Variants in LINGO2 observed in about 807,000 individuals in gnomAD.
LINGO2 encodes the protein leucine-rich repeat and immunoglobulin-like domain-containing nogo receptor-interacting protein 2.
A neutral mutation model predicts 30.6 loss-of-function variants in LINGO2; 14 were observed. That is an observed-to-expected ratio of 0.46 (90% confidence interval 0.30 to 0.72). The LOEUF (loss-of-function observed/expected upper bound fraction) is 0.72. LINGO2 is among the 30% of genes least tolerant of loss of function. LINGO2 has a pLI of 0.07. For missense variants in LINGO2, 729 were observed against 751.7 expected (o/e 0.97, Z 0.35); for synonymous variants, 317 against 288.5 (o/e 1.10, Z -1.00).
the LINGO2 span, among the ~76,000 whole-genome samples, chr9:29,193,244 C>T: frequency 1.3e-5 from 2 of 152,124 alleles, no homozygotes; most frequent in Non-Finnish European, 2.9e-5. Flanking sequence ...CCTGAAACTG[C>T]CTATGAAATA....
the LINGO2 span, among the ~76,000 whole-genome samples, chr9:28,922,377 T>G: frequency 9.7e-6 from 1 of 102,686 alleles, no homozygotes; most frequent in Non-Finnish European, 2.2e-5. Context: ...AAGAGTCAGA[T>G]TTTTTTTTTT....
At chr9:28,064,321 T>A (rs561082468) in intron 4 of LINGO2, among the ~76,000 whole-genome samples, 17 of 152,176 alleles carry the variant, frequency 1.1e-4, no homozygotes, top group Non-Finnish European at 2.4e-4. Flanking sequence ...GCAGGAATCA[T>A]CTTCTGCAGT....
chr9:28,801,165 G>T, the LINGO2 span, among the ~76,000 whole-genome samples: 1 of 152,148 alleles, frequency 6.6e-6, no homozygotes, highest in South Asian at 2.1e-4. Context: ...TTGAGTCTTT[G>T]GTTCCTGTCA....
chr9:28,746,944 C>A, the LINGO2 span, among the ~76,000 whole-genome samples: 1 of 151,912 alleles, frequency 6.6e-6, no homozygotes, highest in Non-Finnish European at 1.5e-5. Context: ...AACTGAATGA[C>A]TATATGTCAC....
chr9:28,798,428 CAG>C, the LINGO2 span, among the ~76,000 whole-genome samples: 1 of 152,014 alleles, frequency 6.6e-6, no homozygotes, highest in African/African-American at 2.4e-5. Flanking sequence ...GGAGATAAAA[CAG>C]AGTGTATGAG....
the LINGO2 span, among the ~76,000 whole-genome samples, chr9:28,759,772 C>T: frequency 3.3e-5 from 5 of 151,876 alleles, no homozygotes; most frequent in Non-Finnish European, 5.9e-5. Flanking sequence ...AGCCAAGAGG[C>T]TCCAGTAGTA....
At chr9:28,950,896 A>T in the LINGO2 span, among the ~76,000 whole-genome samples, 2 of 152,158 alleles carry the variant, frequency 1.3e-5, no homozygotes, top group African/African-American at 4.8e-5. Context: ...AATGACTTTA[A>T]ATTTCATATG....
chr9:28,429,306 T>C (rs1013345911), intron 2 of LINGO2, among the ~76,000 whole-genome samples: 1 of 152,196 alleles, frequency 6.6e-6, no homozygotes, highest in African/African-American at 2.4e-5. Context: ...ACAAGAGTTT[T>C]AAAATTTTAG....
At chr9:28,503,824 G>C (rs780340193) in intron 1 of LINGO2, among the ~76,000 whole-genome samples, 1 of 151,422 alleles carries the variant, frequency 6.6e-6, no homozygotes, top group Non-Finnish European at 1.5e-5. Flanking sequence ...GGAACATTAC[G>C]AGACAGTAGA....
Position 28,476,043 on chromosome 9 carries a change from A to G in LINGO2, c.-364-18T>C. The stretch of plus-strand genomic sequence containing the variant: ...TTTCCAGGCTGCCAAAAAATAGGAA[A>G]TGAAAAGAAAAATGACACTCGCTTG... On this transcript the variant is annotated intron_variant, in intron 1 of 5. Transcript: ENST00000379992. 1 of 152,594 alleles carries G rather than the reference A, an allele frequency of 6.6e-6. No homozygotes were observed. The highest frequency in any genetic ancestry group is 1.9e-4 in the East Asian group (1 of 5,186). The allele number at this position is 152,594 out of a possible 1,614,324, so 9.5% of individuals were successfully genotyped here. A position where few individuals can be genotyped will look rare whatever the true frequency, so the allele number is the denominator to read the frequency against.
chr9:28,066,540 T>C (rs1825319206), intron 4 of LINGO2, among the ~76,000 whole-genome samples: 1 of 152,084 alleles, frequency 6.6e-6, no homozygotes, highest in Admixed American at 6.6e-5. Flanking sequence ...GAATAGGAAT[T>C]CTTATGAGGA....
rs1271182061 is a variant in LINGO2, at chr9:28,341,204, A to G, written c.-246+31632T>C. 2.0e-5 allele frequency among the ~76,000 whole-genome samples: 3 copies of G among 152,254 alleles called. No individual in the cohort carries two copies. The East Asian group carries it at 5.8e-4, about 29-fold the overall frequency. ...AAATCCATCTCTTACAGCACATAAC[A>G]AAAAACTAAAATTTGCAATTTTAAA... On this transcript the variant is annotated intron_variant, in intron 3 of 5. Coordinates refer to ENST00000379992, the Ensembl canonical transcript of LINGO2.
intron 3 of LINGO2, among the ~76,000 whole-genome samples, chr9:28,350,455 C>T (rs1240928020): frequency 6.7e-6 from 1 of 149,408 alleles, no homozygotes; most frequent in African/African-American, 2.5e-5. Flanking sequence ...GCTAACTATC[C>T]TAAATATATA....
intron 4 of LINGO2, among the ~76,000 whole-genome samples, chr9:28,043,845 C>A (rs1019885660): frequency 1.3e-5 from 2 of 152,136 alleles, no homozygotes; most frequent in South Asian, 2.1e-4. Flanking sequence ...ACAAAACAAA[C>A]AATAATTCCC....
intron 3 of LINGO2, among the ~76,000 whole-genome samples, chr9:28,350,721 T>C (rs1819836815): frequency 1.3e-5 from 2 of 151,584 alleles, no homozygotes; most frequent in South Asian, 4.2e-4. Context: ...ACACCACACC[T>C]ATTCCAAAAT....
chr9:29,062,927 C>T, the LINGO2 span, among the ~76,000 whole-genome samples: 1 of 152,120 alleles, frequency 6.6e-6, no homozygotes, highest in African/African-American at 2.4e-5. Context: ...ATCTCACTCC[C>T]TGACCTGGAG....
the LINGO2 span, among the ~76,000 whole-genome samples, chr9:28,969,826 A>C: frequency 6.6e-6 from 1 of 152,320 alleles, no homozygotes; most frequent in South Asian, 2.1e-4. Flanking sequence ...GAAATGAAGC[A>C]GACAGTAGCT....
the LINGO2 span, chr9:27,941,553 C>T: frequency 6.6e-6 from 1 of 151,870 alleles, no homozygotes. Context: ...TGTTCTCTAA[C>T]AATGTGACTT....
the LINGO2 span, among the ~76,000 whole-genome samples, chr9:29,019,660 C>T: frequency 9.2e-5 from 14 of 152,132 alleles, no homozygotes; most frequent in Admixed American, 2.6e-4. Flanking sequence ...CACTACATAG[C>T]GACTGGCACA....
Sources: gnomAD v4.1 joint callset for allele counts (sites outside exome capture counted in the v4.1 genomes callset) on GRCh38, gnomAD v4.1.1 for gene constraint, MANE v1.5 for transcripts, NCBI Gene and HGNC (gene_info 2026-07-23, HGNC 2026-07-21) for gene names.